Variants in PARD3B observed in about 807,000 individuals in gnomAD.
PARD3B encodes partitioning defective 3 homolog B.
PARD3B carries 103 observed loss-of-function variants against 130.2 expected under a neutral mutation model. The observed-to-expected ratio is 0.79, with a 90% CI of 0.67 to 0.93. The LOEUF is 0.93. Among genes scored for constraint, PARD3B ranks in the 40% least tolerant of loss-of-function variants. PARD3B has a pLI of 0.00. For synonymous variants in PARD3B, 583 were observed against 553.2 expected, an observed-to-expected ratio of 1.05 and a Z score of -0.76; for missense variants, 1,609 against 1,499.2, an observed-to-expected ratio of 1.07 and a Z score of -1.21.
intron 15 of PARD3B, among the ~76,000 whole-genome samples, chr2:205,239,812 C>T (rs979885634): frequency 6.6e-6 from 1 of 152,120 alleles, no homozygotes; most frequent in Non-Finnish European, 1.5e-5. Context: ...AGCTCACTCT[C>T]AGAGCTGCAG....
chr2:205,299,164 C>T (rs1007078949), intron 16 of PARD3B, among the ~76,000 whole-genome samples: 1 of 152,174 alleles, frequency 6.6e-6, no homozygotes, highest in African/African-American at 2.4e-5. Flanking sequence ...TATTTCACTT[C>T]ACATAGGTAT....
chr2:204,725,022 G>A lies in PARD3B; in HGVS notation c.222+38740G>A, dbSNP rs1318223041. Among the ~76,000 whole-genome samples the A allele has an allele frequency of 2.0e-5, 3 of 152,114 alleles. No individual in the cohort carries two copies. In the East Asian group the frequency reaches 5.8e-4, roughly 29 times the overall value. ...TGTCATGAATAAAAACAGAGTAAGA[G>A]ACTCACTGGTGTGATAGAAATTTCT... On this transcript the variant is annotated intron_variant, in intron 2 of 22. Transcript: ENST00000406610.
At chr2:204,784,954 A>T (rs1279102415) in intron 2 of PARD3B, among the ~76,000 whole-genome samples, 3 of 152,214 alleles carry the variant, frequency 2.0e-5, no homozygotes, top group Admixed American at 6.5e-5. Flanking sequence ...TCAGTCTATG[A>T]CCATGAAAGA....
At chr2:204,972,093 A>G (rs1055317964) in intron 3 of PARD3B, among the ~76,000 whole-genome samples, 23 of 152,178 alleles carry the variant, frequency 1.5e-4, no homozygotes, top group African/African-American at 5.5e-4. Context: ...GAATAAAGTC[A>G]ATACCTAAAG....
At chr2:204,805,156 GA>G (rs1472956057) in intron 2 of PARD3B, among the ~76,000 whole-genome samples, 1 of 151,982 alleles carries the variant, frequency 6.6e-6, no homozygotes, top group Non-Finnish European at 1.5e-5. Context: ...TTGGTTTTTT[GA>G]AAAGATAAAA....
At chr2:204,627,297 T>C (rs1194476522) in intron 1 of PARD3B, among the ~76,000 whole-genome samples, 2 of 152,182 alleles carry the variant, frequency 1.3e-5, no homozygotes, top group South Asian at 2.1e-4. Flanking sequence ...TAATCCATCT[T>C]ATATTTTGAT....
intron 2 of PARD3B, among the ~76,000 whole-genome samples, chr2:204,776,106 G>A (rs12104689): frequency 0.26 from 38,825 of 152,008 alleles, 5,797 homozygotes; most frequent in African/African-American, 0.43. Context: ...ATAATCTCCT[G>A]ACATACAGTT....
chr2:204,759,544 T>A (rs2040814921), intron 2 of PARD3B, among the ~76,000 whole-genome samples: 1 of 152,132 alleles, frequency 6.6e-6, no homozygotes, highest in East Asian at 1.9e-4. Flanking sequence ...TTTAAAAATG[T>A]CATTATAGTT....
At chr2:205,050,184 TA>T (rs1426964440) in intron 4 of PARD3B, among the ~76,000 whole-genome samples, 1 of 148,242 alleles carries the variant, frequency 6.7e-6, no homozygotes, top group African/African-American at 2.4e-5. Flanking sequence ...TTAATTAATA[TA>T]TATTAATATA....
At chr2:204,719,824 A>AT (rs1203432486) in intron 2 of PARD3B, among the ~76,000 whole-genome samples, 2 of 152,240 alleles carry the variant, frequency 1.3e-5, no homozygotes, top group African/African-American at 4.8e-5. Context: ...ATTATAGGAA[A>AT]TAAATAATCA....
At chr2:205,084,531 C>T (rs1378212573) in intron 4 of PARD3B, among the ~76,000 whole-genome samples, 1 of 151,974 alleles carries the variant, frequency 6.6e-6, no homozygotes, top group African/African-American at 2.4e-5. Context: ...GTTTTTATCA[C>T]CTATTGCAAT....
At chr2:204,941,050 A>G (rs2125801621) in intron 2 of PARD3B, among the ~76,000 whole-genome samples, 1 of 152,312 alleles carries the variant, frequency 6.6e-6, no homozygotes, top group Non-Finnish European at 1.5e-5. Context: ...GAGTTAAAAA[A>G]CTAACATCCT....
intron 20 of PARD3B, among the ~76,000 whole-genome samples, chr2:205,466,746 C>T (rs539331079): frequency 1.3e-5 from 2 of 152,294 alleles, no homozygotes; most frequent in South Asian, 2.1e-4. Flanking sequence ...AAGTCTCGCT[C>T]TTGTTGCCCA....
chr2:204,954,746 T>C (rs1264306318), intron 2 of PARD3B, among the ~76,000 whole-genome samples: 1 of 152,200 alleles, frequency 6.6e-6, no homozygotes, highest in Non-Finnish European at 1.5e-5. Flanking sequence ...TGACCTATTT[T>C]AGTCAGAACA....
At chr2:205,577,524 G>T (rs2053804631) in intron 22 of PARD3B, among the ~76,000 whole-genome samples, 1 of 152,144 alleles carries the variant, frequency 6.6e-6, no homozygotes, top group South Asian at 2.1e-4. Context: ...TTATAAAAGA[G>T]AAAGCAAATG....
intron 16 of PARD3B, among the ~76,000 whole-genome samples, chr2:205,295,729 G>C (rs4673317): frequency 1.3e-5 from 2 of 151,970 alleles, no homozygotes; most frequent in Non-Finnish European, 2.9e-5. Flanking sequence ...TAATGCTAAA[G>C]TGGGAAGTTC....
At chr2:205,178,642 G>A (rs1203059399) in intron 13 of PARD3B, among the ~76,000 whole-genome samples, 1 of 152,128 alleles carries the variant, frequency 6.6e-6, no homozygotes, top group African/African-American at 2.4e-5. Context: ...AACTTGATTG[G>A]CATTTAATTC....
chr2:204,969,403 T>C (rs1691508717), intron 3 of PARD3B, among the ~76,000 whole-genome samples: 1 of 152,162 alleles, frequency 6.6e-6, no homozygotes, highest in Non-Finnish European at 1.5e-5. Context: ...GTCTAGAAAG[T>C]AGCCAATAAA....
intron 2 of PARD3B, among the ~76,000 whole-genome samples, chr2:204,713,563 C>T (rs1456442087): frequency 6.6e-6 from 1 of 151,910 alleles, no homozygotes; most frequent in Non-Finnish European, 1.5e-5. Context: ...TTTCCTGTTT[C>T]CCCTCTTCCC....
Sources: gnomAD v4.1 joint callset for allele counts (sites outside exome capture counted in the v4.1 genomes callset) on GRCh38, gnomAD v4.1.1 for gene constraint, MANE v1.5 for transcripts, NCBI Gene and HGNC (gene_info 2026-07-23, HGNC 2026-07-21) for gene names.